The following RPS6KB1 variants were observed in gnomAD, a reference collection of about 807,000 sequenced individuals.
The protein encoded by RPS6KB1 is ribosomal protein S6 kinase B1, also known as ribosomal protein S6 kinase beta-1.
In RPS6KB1, 12 loss-of-function variants were observed where a neutral mutation model predicts 70.2. The ratio of observed to expected loss-of-function variants is 0.17; its 90% CI spans 0.11 to 0.28. RPS6KB1 has a LOEUF of 0.28. Among genes scored for constraint, RPS6KB1 ranks in the 10% least tolerant of loss-of-function variants. The pLI is 1.00. For synonymous variants in RPS6KB1, 175 were observed against 211.2 expected, an observed-to-expected ratio of 0.83 and a Z score of 1.49; for missense variants, 270 against 646.6, an observed-to-expected ratio of 0.42 and a Z score of 6.32.
intron 13 of RPS6KB1, 120 bp from the exon 14 acceptor site, chr17:59,945,286 G>C (rs1209789844): frequency 1.3e-5 from 8 of 602,318 alleles, no homozygotes; most frequent in Admixed American, 2.8e-5. Flanking sequence ...ACGTGGGAGA[G>C]TGTACACATT....
chr17:59,922,364 A>G (rs906025230), intron 4 of RPS6KB1, among the ~76,000 whole-genome samples: 1 of 151,942 alleles, frequency 6.6e-6, no homozygotes, highest in African/African-American at 2.4e-5. Flanking sequence ...GTAGTTAACA[A>G]GTGATCTGTG....
intron 1 of RPS6KB1, among the ~76,000 whole-genome samples, chr17:59,901,577 C>T (rs2041947740): frequency 6.9e-6 from 1 of 144,108 alleles, no homozygotes; most frequent in South Asian, 2.2e-4. Flanking sequence ...AGCGCATGAG[C>T]CTAGGAGTTT....
Position 59,947,519 on chromosome 17 carries a change from C to G in RPS6KB1, c.*731C>G. The G allele has an allele frequency of 6.6e-7, 1 of 1,523,384 alleles. No individual in the cohort carries two copies. The highest frequency in any genetic ancestry group is 2.5e-5 in the East Asian group (1 of 39,676). The allele number at this position is 1,523,384 out of a possible 1,614,324, so 94.4% of individuals were successfully genotyped here. A position where few individuals can be genotyped will look rare whatever the true frequency, so the allele number is the denominator to read the frequency against. ...GGACCTGGGGTTTATTTTCAGTAACCCAGCTGCAATACCTGTCTGTAATAT... is the reference window on the plus strand; with the variant it reads ...GGACCTGGGGTTTATTTTCAGTAACGCAGCTGCAATACCTGTCTGTAATAT... On this transcript the variant is annotated 3_prime_UTR_variant, in exon 15 of 15. Coordinates refer to ENST00000225577, the MANE Select transcript of RPS6KB1 (RefSeq NM_003161.4).
In RPS6KB1 at chr17:59,947,389, G is replaced by C. The variant is rs1172119734; in HGVS notation, c.*601G>C. 1 of 1,241,054 alleles carries C rather than the reference G, an allele frequency of 8.1e-7. No individual in the cohort carries two copies. The highest frequency in any genetic ancestry group is 1.6e-5 in the African/African-American group (1 of 64,296). The allele number at this position is 1,241,054 out of a possible 1,614,324, so 76.9% of individuals were successfully genotyped here. A position where few individuals can be genotyped will look rare whatever the true frequency, so the allele number is the denominator to read the frequency against. On this transcript the variant is annotated 3_prime_UTR_variant, in exon 15 of 15. Transcript: ENST00000225577. Reference sequence around the variant, plus strand: ...ACTTTAAAATGCGAAATTATTGGTTGGTGTGAAGAAAGCCAGACAACTTCT... The same window carrying C: ...ACTTTAAAATGCGAAATTATTGGTTCGTGTGAAGAAAGCCAGACAACTTCT...
At chr17:59,937,821 C>A (rs922016694) in intron 12 of RPS6KB1, among the ~76,000 whole-genome samples, 1 of 152,146 alleles carries the variant, frequency 6.6e-6, no homozygotes, top group African/African-American at 2.4e-5. Context: ...GTAAGGCACA[C>A]GATTCAACCC....
chr17:59,909,417 G>A (rs751731610), intron 1 of RPS6KB1, among the ~76,000 whole-genome samples: 8 of 150,736 alleles, frequency 5.3e-5, no homozygotes, highest in Non-Finnish European at 8.9e-5. Flanking sequence ...ACAGGCATGC[G>A]ACACCGCACC....
chr17:59,947,585 A>G lies in RPS6KB1; in HGVS notation c.*797A>G. The G allele has an allele frequency of 6.6e-7, 1 of 1,509,338 alleles. No individual in the cohort carries two copies. 93.5% of individuals were successfully genotyped at this position (1,509,338 alleles called of 1,614,324 possible). ...AATCTATTTAATCATTTCTACTTGC[A>G]GTACTGCTATGTGCTAAGCTTAACT... On this transcript the variant is annotated 3_prime_UTR_variant, in exon 15 of 15. Transcript: ENST00000225577.
intron 6 of RPS6KB1, 104 bp from the exon 7 acceptor site, chr17:59,931,518 T>C: frequency 1.2e-6 from 1 of 823,126 alleles, no homozygotes; most frequent in African/African-American, 1.7e-5. Context: ...ACTAATTTGG[T>C]CTTTGGTGCA....
intron 12 of RPS6KB1, among the ~76,000 whole-genome samples, chr17:59,940,301 T>A (rs1216697587): frequency 1.7e-3 from 102 of 60,470 alleles, no homozygotes; most frequent in African/African-American, 4.6e-3. Flanking sequence ...TTTTTTTTTT[T>A]ATTGAGACAG....
In RPS6KB1 at chr17:59,894,265, AC is replaced by A. The variant is rs2041363779; in HGVS notation, c.141+941del. The stretch of plus-strand genomic sequence containing the variant: ...GTGGTTTGTTAATCTTTATGGAATA[AC>A]TTTTTTTTTCCCTAGATAAATTTAT... On this transcript the variant is annotated intron_variant, in intron 1 of 14. Transcript: ENST00000225577. Among the ~76,000 whole-genome samples the A allele has an allele frequency of 2.0e-5, 3 of 152,046 alleles. No individual in the cohort carries two copies. The South Asian group carries it at 6.2e-4, about 32-fold the overall frequency.
intron 4 of RPS6KB1, among the ~76,000 whole-genome samples, chr17:59,922,799 C>T (rs1221695957): frequency 1.3e-5 from 2 of 151,474 alleles, no homozygotes; most frequent in African/African-American, 4.9e-5. Flanking sequence ...CCACCTTGGC[C>T]TCCCAAAGTG....
At chr17:59,895,222 G>T (rs1254921988) in intron 1 of RPS6KB1, among the ~76,000 whole-genome samples, 1 of 149,764 alleles carries the variant, frequency 6.7e-6, no homozygotes, top group Non-Finnish European at 1.5e-5. Flanking sequence ...GAGTTTCACT[G>T]TGTTAGCCAG....
chr17:59,893,182 C>T lies in RPS6KB1; in HGVS notation c.-3C>T. 6.3e-7 allele frequency: 1 copy of T among 1,579,476 alleles called. No individual in the cohort carries two copies. Among genetic ancestry groups the T allele is most frequent in the Non-Finnish European group, 8.6e-7 (1 of 1,163,926 alleles). ...CTGTGGTGGCTGCGGCGGGTCCGGG[C>T]CCATGAGGCGACGAAGGAGGCGGGA... On this transcript the variant is annotated 5_prime_UTR_variant, in exon 1 of 15. Transcript: ENST00000225577. The surrounding 1 kb of genome is among the most constrained non-coding windows in gnomAD (Gnocchi z 4.1).
intron 1 of RPS6KB1, among the ~76,000 whole-genome samples, chr17:59,905,352 G>GT (rs2042203849): frequency 6.6e-6 from 1 of 152,028 alleles, no homozygotes. Context: ...ACATGCAAAG[G>GT]TTTTACATTT....
At chr17:59,904,126 G>A (rs2042122276) in intron 1 of RPS6KB1, among the ~76,000 whole-genome samples, 1 of 151,660 alleles carries the variant, frequency 6.6e-6, no homozygotes, top group Non-Finnish European at 1.5e-5. Flanking sequence ...TGTTGCCCAG[G>A]CTGGAGTGCA....
rs2044866200 is a variant in RPS6KB1, at chr17:59,945,440, G to A, written c.1262G>A (p.Ser421Asn). Residue 421 changes from serine (S) to asparagine (N), a missense_variant, in exon 14 of 15, where the codon AGT (serine) becomes AAT (asparagine). Coordinates refer to ENST00000225577, the MANE Select transcript of RPS6KB1 (RefSeq NM_003161.4). ...TATGTGGCTCCATCTGTACTTGAAA[G>A]TGTGAAAGAAAAGTTTTCCTTTGAA... ...FTYVAPSVLE[S>N]VKEKFSFEPK... The A allele has an allele frequency of 1.2e-6, 2 of 1,611,672 alleles. No homozygotes were observed. The highest frequency in any genetic ancestry group is 1.1e-5 in the South Asian group (1 of 91,000).
At position 59,946,955 on chromosome 17, in the gene RPS6KB1, A is replaced by G. The variant is rs973755658; in HGVS notation, c.*167A>G. On this transcript the variant is annotated 3_prime_UTR_variant, in exon 15 of 15. Transcript: ENST00000225577. The surrounding 1 kb of genome is among the most constrained non-coding windows in gnomAD (Gnocchi z 4.2). ...AACGTGGATTTTAAAAAATCAATCA[A>G]TGGTGCAAAAAAAAACTTAAAGCAA... The G allele has an allele frequency of 2.8e-6, 4 of 1,451,576 alleles. No homozygotes were observed. Among genetic ancestry groups the G allele is most frequent in the Non-Finnish European group, 3.6e-6 (4 of 1,105,708 alleles). 89.9% of individuals were successfully genotyped at this position (1,451,576 alleles called of 1,614,324 possible). A position where few individuals can be genotyped will look rare whatever the true frequency, so the allele number is the denominator to read the frequency against.
At chr17:59,923,064 A>G (rs2043375004) in intron 4 of RPS6KB1, among the ~76,000 whole-genome samples, 1 of 150,812 alleles carries the variant, frequency 6.6e-6, no homozygotes, top group African/African-American at 2.4e-5. Flanking sequence ...GGGTTTCACT[A>G]TGTTGGCCAG....
At chr17:59,913,782 C>CCT (rs1393649317) in intron 3 of RPS6KB1, 2 of 152,212 alleles carry the variant, frequency 1.3e-5, no homozygotes, top group Non-Finnish European at 2.9e-5. Context: ...CTCACTGCAA[C>CCT]CTCTGCCTTC....
Sources: allele counts gnomAD v4.1 joint callset (sites outside exome capture counted in the v4.1 genomes callset), GRCh38; gene constraint gnomAD v4.1.1; non-coding constraint Gnocchi (gnomAD v3.1); transcripts MANE v1.5; gene names NCBI Gene and HGNC (gene_info 2026-07-23, HGNC 2026-07-21).